The following MID1 variants were observed in gnomAD, a reference collection of about 807,000 sequenced individuals.
MID1 encodes the protein E3 ubiquitin-protein ligase Midline-1.
Under a neutral mutation model 40.4 loss-of-function variants are expected in MID1, and 7 were observed. The observed-to-expected ratio is 0.17, with a 90% CI of 0.10 to 0.33. The LOEUF (loss-of-function observed/expected upper bound fraction) is 0.33. Ranked by LOEUF, MID1 falls within the 10% of genes least tolerant of loss-of-function variation. MID1 has a pLI of 1.00. For synonymous variants in MID1, 229 were observed against 221.2 expected, an observed-to-expected ratio of 1.04 and a Z score of -0.31; for missense variants, 367 against 558.5, an observed-to-expected ratio of 0.66 and a Z score of 3.46.
intron 4 of MID1, among the ~76,000 whole-genome samples, chrX:10,487,259 T>G (rs1930668171): frequency 1.8e-5 from 2 of 111,728 alleles, no homozygotes; most frequent in Admixed American, 9.5e-5. Context: ...TTAGAGCTGA[T>G]CACTCCCAAA....
chrX:10,452,518 C>A (rs947062963), intron 9 of MID1, among the ~76,000 whole-genome samples: 1 of 111,925 alleles, frequency 8.9e-6, no homozygotes, highest in Non-Finnish European at 1.9e-5. Context: ...GCAATGTTAA[C>A]GTGCCCCATT....
At chrX:10,730,001 G>A (rs978794591) in intron 1 of MID1, among the ~76,000 whole-genome samples, 41 of 108,584 alleles carry the variant, frequency 3.8e-4, no homozygotes, top group African/African-American at 1.3e-3. Context: ...AGAGAATGGC[G>A]TGAACCTGGT....
intron 1 of MID1, among the ~76,000 whole-genome samples, chrX:10,589,399 A>C: frequency 9.0e-6 from 1 of 110,714 alleles, no homozygotes; most frequent in Non-Finnish European, 1.9e-5. Context: ...AGTGCTGATA[A>C]AGGCACGCTG....
intron 1 of MID1, among the ~76,000 whole-genome samples, chrX:10,799,543 C>T (rs914919920): frequency 8.9e-6 from 1 of 111,940 alleles, no homozygotes; most frequent in African/African-American, 3.2e-5. Context: ...GATTGGAAAC[C>T]ATGAATCATG....
chrX:10,722,347 T>C (rs182447574), intron 1 of MID1, among the ~76,000 whole-genome samples: 3 of 112,268 alleles, frequency 2.7e-5, no homozygotes, highest in Middle Eastern at 4.6e-3. Flanking sequence ...CCTGGATATT[T>C]AGCAATGCTG....
At chrX:10,658,812 C>G (rs986264043) in intron 1 of MID1, among the ~76,000 whole-genome samples, 1 of 111,588 alleles carries the variant, frequency 9.0e-6, no homozygotes, top group African/African-American at 3.3e-5. Context: ...CTCCCCAGCT[C>G]TGGTTAAATT....
chrX:10,693,193 C>CTTTTTTTT (rs758493757), intron 1 of MID1, among the ~76,000 whole-genome samples: 1 of 93,344 alleles, frequency 1.1e-5, no homozygotes, highest in African/African-American at 4.0e-5. Flanking sequence ...GGTGTTTTAA[C>CTTTTTTTT]TTTTTTTTTT....
At chrX:10,533,763 G>C (rs1480963799) in intron 2 of MID1, among the ~76,000 whole-genome samples, 10 of 111,618 alleles carry the variant, frequency 9.0e-5, no homozygotes, top group African/African-American at 2.6e-4. Context: ...TGTTTTATTT[G>C]TGTCTTTTGT....
At chrX:10,510,830 C>CAAAAAA (rs1185825614) in intron 3 of MID1, among the ~76,000 whole-genome samples, 371 of 23,016 alleles carry the variant, frequency 0.016, 1 homozygote, top group Non-Finnish European at 0.019. Context: ...GACTCTGTCT[C>CAAAAAA]AAAAAAAAAA....
chrX:10,700,156 T>C (rs757288651), intron 1 of MID1, among the ~76,000 whole-genome samples: 4 of 111,874 alleles, frequency 3.6e-5, no homozygotes, highest in Non-Finnish European at 5.6e-5. Context: ...TACTGTAATA[T>C]AGTTGTAAGG....
chrX:10,565,374 T>C, intron 2 of MID1: 1 of 330,790 alleles, frequency 3.0e-6, no homozygotes, highest in Non-Finnish European at 5.9e-6. Flanking sequence ...TGTCAAGAAA[T>C]AGCAAAGCCA....
intron 1 of MID1, among the ~76,000 whole-genome samples, chrX:10,812,634 G>A (rs777557070): frequency 9.0e-6 from 1 of 111,316 alleles, no homozygotes; most frequent in African/African-American, 3.3e-5. Context: ...ACCAGCATGC[G>A]AGTCATTCCA....
chrX:10,710,922 C>T (rs1056548241), intron 1 of MID1, among the ~76,000 whole-genome samples: 3 of 111,879 alleles, frequency 2.7e-5, no homozygotes, highest in Non-Finnish European at 5.6e-5. Flanking sequence ...CAATTTTGCT[C>T]TGGAAATATT....
intron 1 of MID1, among the ~76,000 whole-genome samples, chrX:10,728,036 T>G (rs1216578574): frequency 8.9e-6 from 1 of 112,339 alleles, no homozygotes; most frequent in East Asian, 2.8e-4. Flanking sequence ...TATTATTGAG[T>G]GGTTCTTTGG....
intron 1 of MID1, among the ~76,000 whole-genome samples, chrX:10,758,783 C>T (rs963202105): frequency 1.4e-4 from 15 of 110,997 alleles, no homozygotes; most frequent in African/African-American, 4.6e-4. Context: ...CCACCGCGCC[C>T]GGCCTTTAAA....
intron 3 of MID1, among the ~76,000 whole-genome samples, chrX:10,503,847 C>G (rs2147334675): frequency 8.9e-6 from 1 of 112,350 alleles, no homozygotes; most frequent in Non-Finnish European, 1.9e-5. Context: ...AATGGCAACA[C>G]ACTGTGGTGA....
At position 10,639,945 on chromosome X, in the gene MID1, C is replaced by T. The variant is rs763275952; in HGVS notation, c.-186-19526G>A. On this transcript the variant is annotated intron_variant, in intron 1 of 10. Coordinates refer to the MID1 transcript ENST00000380785. ...TCATAAGTGAAGGAGAAATAAAATC[C>T]TTTACAGACAAGCAAATGCTGAGAG... Among the ~76,000 whole-genome samples, 5 of 111,435 alleles carry T rather than the reference C, an allele frequency of 4.5e-5. No homozygotes were observed. The South Asian group carries it at 1.5e-3, about 34-fold the overall frequency.
chrX:10,469,418 C>G, intron 7 of MID1: 5 of 1,068,714 alleles, frequency 4.7e-6, no homozygotes, highest in Non-Finnish European at 6.0e-6. Context: ...CTATGTATCT[C>G]TCTATATATT....
At chrX:10,783,766 AGTGCCT>A (rs201071251) in intron 1 of MID1, among the ~76,000 whole-genome samples, 7,530 of 111,645 alleles carry the variant, frequency 0.067, 262 homozygotes, top group Non-Finnish European at 0.11. Flanking sequence ...AAATAAACAC[AGTGCCT>A]GCTTCATCAT....
Sources: allele counts gnomAD v4.1 joint callset (sites outside exome capture counted in the v4.1 genomes callset), GRCh38; gene constraint gnomAD v4.1.1; transcripts MANE v1.5; gene names NCBI Gene and HGNC (gene_info 2026-07-23, HGNC 2026-07-21).